EDIL3: variants seen among roughly 807,000 people sequenced by gnomAD.
The protein encoded by EDIL3 is EGF like and discoidin domains 3.
A neutral mutation model predicts 67.4 loss-of-function variants in EDIL3; 37 were observed. That is an observed-to-expected ratio of 0.55 (90% CI 0.42 to 0.72). The LOEUF is 0.72. EDIL3 is among the 30% of genes least tolerant of loss of function. The pLI, the probability that EDIL3 is intolerant of heterozygous loss-of-function variation, is 0.00. For missense variants in EDIL3, 527 were observed against 586.3 expected, an observed-to-expected ratio of 0.90 and a Z score of 1.04; for synonymous variants, 195 against 196.3, an observed-to-expected ratio of 0.99 and a Z score of 0.05.
Position 83,943,407 on chromosome 5 carries a change from T to G in EDIL3, c.*12A>C. On this transcript the variant is annotated 3_prime_UTR_variant, in exon 11 of 11. Coordinates refer to ENST00000296591, the MANE Select transcript of EDIL3 (RefSeq NM_005711.5). The stretch of plus-strand genomic sequence containing the variant: ...GGAAATAGGGAAGAGGGTTGTGAAA[T>G]GTAGCCTCCCCTCATTCCTCCTCTG... 2 of 1,611,736 alleles carry G rather than the reference T, an allele frequency of 1.2e-6. No individual in the cohort carries two copies. Among genetic ancestry groups the G allele is most frequent in the South Asian group, 2.2e-5 (2 of 91,018 alleles).
intron 1 of EDIL3, among the ~76,000 whole-genome samples, chr5:84,304,050 C>A (rs1168662112): frequency 6.6e-6 from 1 of 151,886 alleles, no homozygotes; most frequent in Non-Finnish European, 1.5e-5. Context: ...CATTGGTGTG[C>A]ACAAGCCACA....
At chr5:84,001,672 A>T (rs779390666) in intron 9 of EDIL3, among the ~76,000 whole-genome samples, 5 of 152,164 alleles carry the variant, frequency 3.3e-5, no homozygotes, top group Non-Finnish European at 7.4e-5. Context: ...ACTATATGCC[A>T]GCAAATTGGA....
intron 9 of EDIL3, among the ~76,000 whole-genome samples, chr5:84,002,306 G>C (rs968525083): frequency 7.3e-6 from 1 of 136,318 alleles, no homozygotes; most frequent in Non-Finnish European, 1.5e-5. Flanking sequence ...AAAGCCATAC[G>C]TGACACACTC....
At chr5:84,261,820 G>A (rs899918881) in intron 1 of EDIL3, among the ~76,000 whole-genome samples, 1 of 152,122 alleles carries the variant, frequency 6.6e-6, no homozygotes, top group African/African-American at 2.4e-5. Flanking sequence ...ATTTAAAGCA[G>A]GACATCTCTT....
At chr5:84,146,432 C>A (rs561530063) in intron 4 of EDIL3, among the ~76,000 whole-genome samples, 1 of 152,028 alleles carries the variant, frequency 6.6e-6, no homozygotes, top group South Asian at 2.1e-4. Flanking sequence ...TTCTTACCAG[C>A]CTTCAAGGTA....
chr5:84,187,425 A>G (rs939711570), intron 3 of EDIL3, among the ~76,000 whole-genome samples: 3 of 152,146 alleles, frequency 2.0e-5, no homozygotes, highest in African/African-American at 4.8e-5. Flanking sequence ...GAAAGTGAAT[A>G]GGTTAACATT....
intron 9 of EDIL3, among the ~76,000 whole-genome samples, chr5:84,039,319 C>T (rs1241706465): frequency 6.6e-6 from 1 of 152,050 alleles, no homozygotes; most frequent in Non-Finnish European, 1.5e-5. Flanking sequence ...GAGTTGATCA[C>T]CTGAATTTAT....
At chr5:83,954,156 C>T (rs569274468) in intron 10 of EDIL3, among the ~76,000 whole-genome samples, 1 of 151,488 alleles carries the variant, frequency 6.6e-6, no homozygotes, top group Non-Finnish European at 1.5e-5. Flanking sequence ...GTAAAAATGG[C>T]AATATGTATC....
intron 2 of EDIL3, among the ~76,000 whole-genome samples, chr5:84,244,410 C>T (rs755977556): frequency 3.3e-5 from 5 of 151,012 alleles, no homozygotes; most frequent in African/African-American, 9.7e-5. Flanking sequence ...TCCTGAGTAG[C>T]GGGGATTACA....
At chr5:84,048,127 C>T (rs1444795001) in intron 9 of EDIL3, 1 of 311,438 alleles carries the variant, frequency 3.2e-6, no homozygotes, top group Non-Finnish European at 6.3e-6. Flanking sequence ...ATTACTTGAC[C>T]TCTTTTAGAT....
chr5:84,340,534 C>CTCTCTCTATATATATA (rs1432966515), intron 1 of EDIL3, among the ~76,000 whole-genome samples: 5 of 54,194 alleles, frequency 9.2e-5, no homozygotes, highest in Non-Finnish European at 1.8e-4. Flanking sequence ...CTCTCTCTCT[C>CTCTCTCTATATATATA]TATATATATA....
chr5:84,041,332 G>A (rs375395056), intron 9 of EDIL3, among the ~76,000 whole-genome samples: 98 of 151,706 alleles, frequency 6.5e-4, no homozygotes, highest in African/African-American at 1.7e-3. Flanking sequence ...AAGAATCTCC[G>A]TTTTCAGCCA....
chr5:84,108,779 G>C (rs1277593096), intron 5 of EDIL3, among the ~76,000 whole-genome samples: 1 of 152,132 alleles, frequency 6.6e-6, no homozygotes, highest in Non-Finnish European at 1.5e-5. Flanking sequence ...TGTTTGGATG[G>C]AAAAATGAAA....
intron 9 of EDIL3, among the ~76,000 whole-genome samples, chr5:83,968,275 T>A (rs1254902098): frequency 1.3e-5 from 2 of 152,094 alleles, no homozygotes; most frequent in African/African-American, 4.8e-5. Flanking sequence ...AGTTCTGATC[T>A]AAAGTTTGGA....
chr5:83,990,710 T>A (rs1745135058), intron 9 of EDIL3, among the ~76,000 whole-genome samples: 1 of 151,520 alleles, frequency 6.6e-6, no homozygotes, highest in Non-Finnish European at 1.5e-5. Flanking sequence ...GTGAAACCCA[T>A]CTCTACTGAA....
intron 3 of EDIL3, among the ~76,000 whole-genome samples, chr5:84,225,075 G>A (rs1204124256): frequency 3.3e-5 from 5 of 151,524 alleles, no homozygotes; most frequent in African/African-American, 1.2e-4. Context: ...ATAAAAAGAA[G>A]CTTCTGGTAG....
chr5:84,178,352 G>C (rs1420191729), intron 4 of EDIL3, among the ~76,000 whole-genome samples: 1 of 152,084 alleles, frequency 6.6e-6, no homozygotes, highest in Non-Finnish European at 1.5e-5. Context: ...TAAATATCTA[G>C]GTCATAAAAC....
chr5:84,204,847 G>T (rs1339019379), intron 3 of EDIL3, among the ~76,000 whole-genome samples: 2 of 148,390 alleles, frequency 1.3e-5, no homozygotes, highest in African/African-American at 4.9e-5. Flanking sequence ...AAAACGAAAT[G>T]CTGCTTTTTT....
intron 1 of EDIL3, among the ~76,000 whole-genome samples, chr5:84,273,521 G>A (rs147376192): frequency 1.1e-4 from 16 of 152,228 alleles, no homozygotes; most frequent in African/African-American, 3.6e-4. Flanking sequence ...CATTAAAGAA[G>A]TTAATATTCA....
Sources: gnomAD v4.1 joint callset for allele counts (sites outside exome capture counted in the v4.1 genomes callset) on GRCh38, gnomAD v4.1.1 for gene constraint, MANE v1.5 for transcripts, NCBI Gene and HGNC (gene_info 2026-07-23, HGNC 2026-07-21) for gene names.